Variants in PALM observed in about 807,000 individuals in gnomAD.
The protein encoded by PALM is paralemmin, also known as paralemmin-1.
In PALM, 18 loss-of-function variants were observed where a neutral mutation model predicts 30.7. The observed-to-expected ratio is 0.59, with a 90% CI of 0.41 to 0.87. PALM has a LOEUF of 0.87. Ranked by LOEUF, PALM falls within the 40% of genes least tolerant of loss-of-function variation. The pLI, the probability that PALM is intolerant of heterozygous loss-of-function variation, is 0.00. For missense variants in PALM, 529 were observed against 555.4 expected (o/e 0.95, Z 0.48); for synonymous variants, 286 against 242.8 (o/e 1.18, Z -1.66).
intron 2 of PALM, among the ~76,000 whole-genome samples, chr19:726,741 G>C (rs2032674019): frequency 6.6e-6 from 1 of 152,214 alleles, no homozygotes; most frequent in Non-Finnish European, 1.5e-5. Context: ...GAACTCAAGT[G>C]ATCCTCCCGC....
intron 1 of PALM, among the ~76,000 whole-genome samples, chr19:723,087 G>A (rs768970152): frequency 3.9e-5 from 6 of 152,052 alleles, no homozygotes; most frequent in Non-Finnish European, 7.4e-5. Flanking sequence ...GGGGCTGGGG[G>A]TGAGCCAGTG....
At chr19:720,099 G>A (rs2032410513) in intron 1 of PALM, among the ~76,000 whole-genome samples, 1 of 151,790 alleles carries the variant, frequency 6.6e-6, no homozygotes, top group Non-Finnish European at 1.5e-5. Flanking sequence ...GCGCGGGGGA[G>A]AAATTCCCGA....
At chr19:719,206 C>T (rs1429851749) in intron 1 of PALM, 2 of 985,470 alleles carry the variant, frequency 2.0e-6, no homozygotes, top group African/African-American at 1.7e-5. Context: ...CCCACACACG[C>T]CCCTCCCGCC....
chr19:727,181 T>A (rs1036332182), intron 3 of PALM, 93 bp downstream of exon 3: 5 of 809,378 alleles, frequency 6.2e-6, no homozygotes, highest in African/African-American at 1.8e-5. Flanking sequence ...CTGACCCCAA[T>A]CCCAACCTGA....
In PALM at chr19:746,208, C is replaced by A. The variant is rs935918575; in HGVS notation, c.635-77C>A. On this transcript the variant is annotated intron_variant, in intron 8 of 8. Coordinates refer to ENST00000338448, the MANE Select transcript of PALM (RefSeq NM_002579.3). The surrounding 1 kb of genome is among the most constrained non-coding windows in gnomAD (Gnocchi z 7.1). Reference sequence around the variant, plus strand: ...GGATACAAGCCTTGCCAAGGTTTCCCTCCTGCCTGAGCCAGGTCACTCTCT... The same window carrying A: ...GGATACAAGCCTTGCCAAGGTTTCCATCCTGCCTGAGCCAGGTCACTCTCT... The A allele has an allele frequency of 2.5e-6, 3 of 1,199,608 alleles. No homozygotes were observed. The African/African-American group carries it at 4.6e-5, about 18-fold the overall frequency. 74.3% of individuals were successfully genotyped at this position (1,199,608 alleles called of 1,614,324 possible).
Position 709,948 on chromosome 19 carries a change from C to T in PALM, c.5+797C>T, listed in dbSNP as rs1568215873. On this transcript the variant is annotated intron_variant, in intron 1 of 8. Coordinates refer to ENST00000338448, the MANE Select transcript of PALM (RefSeq NM_002579.3). This position sits in a 1 kb window ranked among gnomAD's most constrained non-coding sequence, Gnocchi z 4.3. ...GGCCAGTGGAGGCACCGAGCGAGGG[C>T]GCGTGGTCATTTCGGACACCGGTCC... Among the ~76,000 whole-genome samples, 1 of 151,918 alleles carries T rather than the reference C, an allele frequency of 6.6e-6. No homozygotes were observed. The highest frequency in any genetic ancestry group is 2.4e-5 in the African/African-American group (1 of 41,320).
intron 4 of PALM, 70 bp downstream of exon 4, chr19:727,764 T>C (rs1446102873): frequency 7.0e-7 from 1 of 1,425,150 alleles, no homozygotes; most frequent in Non-Finnish European, 9.4e-7. Flanking sequence ...CGGGAGGGTG[T>C]GGGCTGGGAA....
At position 746,116 on chromosome 19, in the gene PALM, G is replaced by A. The variant is rs1174988366; in HGVS notation, c.635-169G>A. On this transcript the variant is annotated intron_variant, in intron 8 of 8. Transcript: ENST00000338448. The surrounding 1 kb of genome is among the most constrained non-coding windows in gnomAD (Gnocchi z 7.1). ...GGCTGCATCCACAGATGCCAACAGG[G>A]GGCTTTAATTGTCTGTCAGTTCTGA... Among the ~76,000 whole-genome samples, 5 of 152,202 alleles carry A rather than the reference G, an allele frequency of 3.3e-5. No homozygotes were observed. The highest frequency in any genetic ancestry group is 7.3e-5 in the Non-Finnish European group (5 of 68,030).
intron 8 of PALM, among the ~76,000 whole-genome samples, chr19:745,479 A>C (rs1363358364): frequency 6.6e-6 from 1 of 151,912 alleles, no homozygotes; most frequent in African/African-American, 2.4e-5. Flanking sequence ...AGATGACTTG[A>C]GGTCAGGAGT....
At chr19:738,102 G>A (rs2033075477) in intron 7 of PALM, among the ~76,000 whole-genome samples, 1 of 152,102 alleles carries the variant, frequency 6.6e-6, no homozygotes, top group African/African-American at 2.4e-5. Context: ...AGGTGTCAGG[G>A]AGGACTGGCC....
chr19:715,162 G>A (rs2032217126), intron 1 of PALM, among the ~76,000 whole-genome samples: 1 of 152,164 alleles, frequency 6.6e-6, no homozygotes, highest in African/African-American at 2.4e-5. Flanking sequence ...CAGCTACTCG[G>A]GAGGCTGAGG....
At chr19:741,087 C>T (rs1041494674) in intron 8 of PALM, among the ~76,000 whole-genome samples, 9 of 151,990 alleles carry the variant, frequency 5.9e-5, no homozygotes, top group East Asian at 1.9e-4. Context: ...TGTAGTGAGC[C>T]GTGATCGCAC....
At position 725,569 on chromosome 19, in the gene PALM, C is replaced by T. The variant is rs183655479; in HGVS notation, c.6-569C>T. ...GCAAGACTCCATCTGAAAAAACAAACAAAACCACAATGATTGGATAAGAGC... is the reference window on the plus strand; with the variant it reads ...GCAAGACTCCATCTGAAAAAACAAATAAAACCACAATGATTGGATAAGAGC... On this transcript the variant is annotated intron_variant, in intron 1 of 8. Transcript: ENST00000338448. 2.3e-3 allele frequency among the ~76,000 whole-genome samples: 356 copies of T among 152,256 alleles called. 1 individual carries two copies. Among genetic ancestry groups the T allele is most frequent in the African/African-American group, 8.0e-3 (332 of 41,564 alleles).
chr19:744,915 C>CA (rs2033295319), intron 8 of PALM, among the ~76,000 whole-genome samples: 1 of 150,428 alleles, frequency 6.6e-6, no homozygotes, highest in Non-Finnish European at 1.5e-5. Context: ...CACGGTGGCT[C>CA]ACGTGTGTAA....
At chr19:723,576 G>A (rs575117303) in intron 1 of PALM, among the ~76,000 whole-genome samples, 6 of 152,170 alleles carry the variant, frequency 3.9e-5, no homozygotes, top group East Asian at 1.9e-4. Context: ...TGCTCCTTGC[G>A]TTTTTCTTTT....
rs2032526791 is a variant in PALM, at chr19:722,559, C to T, written c.6-3579C>T. On this transcript the variant is annotated intron_variant, in intron 1 of 8. Coordinates refer to ENST00000338448, the MANE Select transcript of PALM (RefSeq NM_002579.3). ...TCTGATTCTCTTTTTGAGAAGCTGCCTCTGGCTGGCGGGTGGAGAGGGAGC... is the reference window on the plus strand; with the variant it reads ...TCTGATTCTCTTTTTGAGAAGCTGCTTCTGGCTGGCGGGTGGAGAGGGAGC... 2 of 152,294 alleles carry T rather than the reference C, an allele frequency of 1.3e-5. 1 individual carries two copies. The highest frequency in any genetic ancestry group is 4.8e-5 in the African/African-American group (2 of 41,438). 9.4% of individuals were successfully genotyped at this position (152,294 alleles called of 1,614,324 possible).
intron 4 of PALM, among the ~76,000 whole-genome samples, chr19:729,661 C>A (rs970694830): frequency 2.0e-5 from 3 of 151,780 alleles, no homozygotes; most frequent in Admixed American, 1.3e-4. Flanking sequence ...GGGGTTTCAC[C>A]ATGTTGGTTA....
intron 5 of PALM, among the ~76,000 whole-genome samples, chr19:733,752 C>T (rs957679836): frequency 9.9e-5 from 15 of 152,026 alleles, no homozygotes; most frequent in Non-Finnish European, 1.9e-4. Flanking sequence ...TTTGGGAGGC[C>T]GAGGTGGGTG....
chr19:722,012 G>A (rs540923722), intron 1 of PALM, among the ~76,000 whole-genome samples: 4 of 151,788 alleles, frequency 2.6e-5, no homozygotes, highest in African/African-American at 4.8e-5. Context: ...TCCGCCTTCC[G>A]GGTTCACGCC....
Sources: allele counts gnomAD v4.1 joint callset (sites outside exome capture counted in the v4.1 genomes callset), GRCh38; gene constraint gnomAD v4.1.1; non-coding constraint Gnocchi (gnomAD v3.1); transcripts MANE v1.5; gene names NCBI Gene and HGNC (gene_info 2026-07-23, HGNC 2026-07-21).